Variants in ANK2 observed in about 807,000 individuals in gnomAD.
The protein encoded by ANK2 is ankyrin 2.
In ANK2, 83 loss-of-function variants were observed where a neutral mutation model predicts 360.5. The ratio of observed to expected loss-of-function variants is 0.23; its 90% CI spans 0.19 to 0.28. The LOEUF is 0.28. ANK2 is among the 10% of genes least tolerant of loss of function. The pLI, the probability that ANK2 is intolerant of heterozygous loss-of-function variation, is 1.00. For synonymous variants in ANK2, 1,740 were observed against 1,759.5 expected, an observed-to-expected ratio of 0.99 and a Z score of 0.28; for missense variants, 4,201 against 4,795.7, an observed-to-expected ratio of 0.88 and a Z score of 3.66.
chr4:113,149,874 C>CAAAAAA (rs34667216), intron 1 of ANK2, among the ~76,000 whole-genome samples: 578 of 31,390 alleles, frequency 0.018, 88 homozygotes, highest in Middle Eastern at 0.026. Context: ...GACCCTGCCT[C>CAAAAAA]AAAAAAAAAA....
At chr4:113,241,540 A>T (rs1347414117) in intron 8 of ANK2, among the ~76,000 whole-genome samples, 5 of 152,146 alleles carry the variant, frequency 3.3e-5, no homozygotes, top group Non-Finnish European at 7.4e-5. Flanking sequence ...AGGTCTTACT[A>T]TATTGCCCAG....
At chr4:112,890,555 G>GT (rs1383564163) in intron 1 of ANK2, among the ~76,000 whole-genome samples, 19 of 104,602 alleles carry the variant, frequency 1.8e-4, no homozygotes, top group Non-Finnish European at 3.1e-4. Flanking sequence ...ACATTTCTGT[G>GT]GTTTTTTTTT....
intron 2 of ANK2, among the ~76,000 whole-genome samples, chr4:112,943,286 T>C (rs2094352257): frequency 6.6e-6 from 1 of 152,092 alleles, no homozygotes; most frequent in Admixed American, 6.6e-5. Context: ...GTGAGAACTC[T>C]CTTGTAATAA....
intron 2 of ANK2, among the ~76,000 whole-genome samples, chr4:113,026,775 A>C (rs1032419238): frequency 1.3e-5 from 2 of 152,216 alleles, no homozygotes; most frequent in African/African-American, 4.8e-5. Context: ...GTTATTCATA[A>C]TAGTCAGCTC....
At chr4:112,871,954 G>A (rs2073204705) in intron 1 of ANK2, among the ~76,000 whole-genome samples, 1 of 151,576 alleles carries the variant, frequency 6.6e-6, no homozygotes, top group Admixed American at 6.6e-5. Flanking sequence ...CCACTCGGTT[G>A]TGATATAGAA....
intron 26 of ANK2, 47 bp from the exon 27 acceptor site, chr4:113,330,199 G>A: frequency 6.5e-7 from 1 of 1,548,856 alleles, no homozygotes. Flanking sequence ...TTGTTCATCT[G>A]CCCCCAATAT....
At chr4:112,769,644 G>A in the ANK2 span, among the ~76,000 whole-genome samples, 8 of 152,094 alleles carry the variant, frequency 5.3e-5, no homozygotes, top group African/African-American at 1.9e-4. Context: ...AACTGGACTG[G>A]GCCAAGGAGT....
the ANK2 span, among the ~76,000 whole-genome samples, chr4:112,803,488 G>A: frequency 8.6e-5 from 13 of 151,958 alleles, no homozygotes; most frequent in African/African-American, 2.9e-4. Flanking sequence ...TAATGGATGC[G>A]GTCACAAGTC....
intron 1 of ANK2, among the ~76,000 whole-genome samples, chr4:113,134,540 TCTC>T (rs2096276616): frequency 6.6e-6 from 1 of 152,162 alleles, no homozygotes; most frequent in South Asian, 2.1e-4. Flanking sequence ...TGAACTATGT[TCTC>T]CTTGTTCCAG....
chr4:113,320,603 C>G (rs529049793), intron 26 of ANK2, among the ~76,000 whole-genome samples: 1 of 152,130 alleles, frequency 6.6e-6, no homozygotes, highest in South Asian at 2.1e-4. Flanking sequence ...TACAGCGAGC[C>G]TAGACTGCAC....
intron 14 of ANK2, among the ~76,000 whole-genome samples, chr4:113,267,011 A>T (rs1163569849): frequency 6.6e-6 from 1 of 152,102 alleles, no homozygotes; most frequent in Non-Finnish European, 1.5e-5. Context: ...AGTGATGATG[A>T]GCTTTTTCTC....
chr4:113,042,067 C>T (rs2063094200), intron 2 of ANK2, among the ~76,000 whole-genome samples: 1 of 152,122 alleles, frequency 6.6e-6, no homozygotes, highest in African/African-American at 2.4e-5. Flanking sequence ...AAGAGATTAG[C>T]GTTTGAATCA....
At chr4:113,153,733 A>G (rs1240164088) in intron 1 of ANK2, among the ~76,000 whole-genome samples, 5 of 152,192 alleles carry the variant, frequency 3.3e-5, no homozygotes, top group Admixed American at 6.5e-5. Context: ...AGCGCCTCCC[A>G]AAGTGTACTC....
At chr4:112,788,721 C>T in the ANK2 span, 26 of 1,593,476 alleles carry the variant, frequency 1.6e-5, no homozygotes, top group East Asian at 8.9e-5. Context: ...TTTCACAAAG[C>T]GGGTGAGGTC....
chr4:113,270,528 C>T (rs1485162766), intron 14 of ANK2, among the ~76,000 whole-genome samples: 1 of 152,036 alleles, frequency 6.6e-6, no homozygotes, highest in Non-Finnish European at 1.5e-5. Context: ...CCTCTTAATT[C>T]CTTATTCCTT....
chr4:113,128,452 A>T (rs1166139858), intron 1 of ANK2, among the ~76,000 whole-genome samples: 2 of 152,196 alleles, frequency 1.3e-5, no homozygotes, highest in African/African-American at 2.4e-5. Context: ...TAAAATGATT[A>T]AAAATGTCCA....
chr4:113,213,952 T>TTTA lies in ANK2; in HGVS notation c.384+14846_384+14848dup, dbSNP rs1554280407. 3.9e-3 allele frequency: 1,804 copies of TTTA among 466,912 alleles called. 16 individuals are homozygous for TTTA. The highest frequency in any genetic ancestry group is 0.011 in the African/African-American group (172 of 15,800). The allele number at this position is 466,912 out of a possible 1,614,324, so 28.9% of individuals were successfully genotyped here. A position where few individuals can be genotyped will look rare whatever the true frequency, so the allele number is the denominator to read the frequency against. On this transcript the variant is annotated intron_variant, in intron 4 of 45. Transcript: ENST00000357077. Reference sequence around the variant, plus strand: ...AAAGAAACGACAAAATGCTGTTTTATTTATTTTTTTTTTTTATTTTTTTTT... The same window carrying TTTA: ...AAAGAAACGACAAAATGCTGTTTTATTTATTATTTTTTTTTTTTATTTTTTTTT...
chr4:112,739,029 A>G, the ANK2 span: 4 of 603,952 alleles, frequency 6.6e-6, no homozygotes, highest in African/African-American at 1.9e-5. Context: ...CCGCAAAGCC[A>G]TCATGGAAAG....
chr4:113,114,761 GA>G (rs1479423708), intron 1 of ANK2, among the ~76,000 whole-genome samples: 1 of 152,046 alleles, frequency 6.6e-6, no homozygotes, highest in African/African-American at 2.4e-5. Context: ...CTGTGCTGAT[GA>G]TTTTTCACTT....
Sources: gnomAD v4.1 joint callset for allele counts (sites outside exome capture counted in the v4.1 genomes callset) on GRCh38, gnomAD v4.1.1 for gene constraint, MANE v1.5 for transcripts, NCBI Gene and HGNC (gene_info 2026-07-23, HGNC 2026-07-21) for gene names.